Variants in ERC1 observed in about 807,000 individuals in gnomAD.
The protein encoded by ERC1 is ELKS/RAB6-interacting/CAST family member 1.
A neutral mutation model predicts 132.0 loss-of-function variants in ERC1; 56 were observed. That is an observed-to-expected ratio of 0.42 (90% CI 0.34 to 0.53). ERC1 has a LOEUF of 0.53. Ranked by LOEUF, ERC1 falls within the 20% of genes least tolerant of loss-of-function variation. ERC1 has a pLI of 0.03. For missense variants in ERC1, 1,202 were observed against 1,349.9 expected (o/e 0.89, Z 1.72); for synonymous variants, 478 against 476.1 (o/e 1.00, Z -0.05).
At chr12:1,122,529 ATCTC>A (rs1245809122) in intron 7 of ERC1, among the ~76,000 whole-genome samples, 1 of 40,192 alleles carries the variant, frequency 2.5e-5, no homozygotes, top group Non-Finnish European at 5.7e-5. Flanking sequence ...CTCTATCTCT[ATCTC>A]TATCTCTATC....
Position 1,028,458 on chromosome 12 carries a change from C to T in ERC1, c.555C>T (p.Ser185=). 2 of 1,614,092 alleles carry T rather than the reference C, an allele frequency of 1.2e-6. No individual in the cohort carries two copies. The highest frequency in any genetic ancestry group is 1.6e-4 in the Middle Eastern group (1 of 6,062). ...KESKLSSSMN[S]IKTFWSPELK... ...GCAAATTGAGTTCTTCAATGAATAGCATCAAGACCTTCTGGAGCCCAGAGC... is the reference window on the plus strand; with the variant it reads ...GCAAATTGAGTTCTTCAATGAATAGTATCAAGACCTTCTGGAGCCCAGAGC... The change falls in exon 2 of 19, where the codon AGC becomes AGT. Residue 185 remains serine (S), a synonymous_variant. Coordinates refer to ENST00000360905, the MANE Select transcript of ERC1 (RefSeq NM_178040.4).
chr12:1,212,408 T>C (rs566493795), intron 12 of ERC1, among the ~76,000 whole-genome samples: 46 of 152,244 alleles, frequency 3.0e-4, no homozygotes, highest in African/African-American at 1.1e-3. Context: ...TTCCTGATCA[T>C]CACCACCACC....
chr12:1,305,671 G>C (rs1334467602), intron 15 of ERC1, among the ~76,000 whole-genome samples: 2 of 152,098 alleles, frequency 1.3e-5, no homozygotes, highest in African/African-American at 4.8e-5. Flanking sequence ...GTCATGTTGG[G>C]TTCCTTCACA....
chr12:1,247,671 T>C (rs1463528560), intron 13 of ERC1, among the ~76,000 whole-genome samples: 1 of 152,242 alleles, frequency 6.6e-6, no homozygotes, highest in East Asian at 1.9e-4. Context: ...TCTCATATTG[T>C]TGACTTCGTA....
rs1043422223 is a variant in ERC1 at position 1,141,690 on chromosome 12, A to G, written c.1640A>G (p.Asp547Gly). ...MLNKKTKQIQ[D>G]MAEEKGTQAG... Reference sequence around the variant, plus strand: ...AATAAAAAGACAAAACAAATTCAGGATATGGCTGAAGAGAAGGGGACACAA... The same window carrying G: ...AATAAAAAGACAAAACAAATTCAGGGTATGGCTGAAGAGAAGGGGACACAA... Residue 547 changes from aspartate to glycine, a missense_variant, in exon 8 of 19, where the codon GAT becomes GGT. Coordinates refer to ENST00000360905, the MANE Select transcript of ERC1 (RefSeq NM_178040.4). 5.0e-6 allele frequency: 8 copies of G among 1,613,500 alleles called. No homozygotes were observed. Among genetic ancestry groups the G allele is most frequent in the African/African-American group, 2.7e-5 (2 of 74,916 alleles).
intron 6 of ERC1, among the ~76,000 whole-genome samples, chr12:1,112,649 A>G (rs188145248): frequency 6.6e-6 from 1 of 152,294 alleles, no homozygotes; most frequent in African/African-American, 2.4e-5. Flanking sequence ...ACAAGAATAT[A>G]TGCAGTTGTT....
chr12:1,113,223 A>G (rs533841511), intron 6 of ERC1, among the ~76,000 whole-genome samples: 1 of 152,218 alleles, frequency 6.6e-6, no homozygotes, highest in East Asian at 1.9e-4. Context: ...GTGTCTTGGA[A>G]CCAGTCCCCC....
At chr12:1,273,030 C>T (rs2077987428) in intron 14 of ERC1, among the ~76,000 whole-genome samples, 1 of 149,806 alleles carries the variant, frequency 6.7e-6, no homozygotes, top group African/African-American at 2.5e-5. Context: ...AGTTCTAATG[C>T]TGTCTTTCAG....
intron 12 of ERC1, among the ~76,000 whole-genome samples, chr12:1,219,302 T>C (rs1246242100): frequency 6.6e-6 from 1 of 152,198 alleles, no homozygotes; most frequent in African/African-American, 2.4e-5. Context: ...ATATCAAATT[T>C]AGTTTTACTC....
chr12:1,334,120 T>A (rs542213233), intron 15 of ERC1, among the ~76,000 whole-genome samples: 1 of 152,218 alleles, frequency 6.6e-6, no homozygotes, highest in Non-Finnish European at 1.5e-5. Flanking sequence ...TTAAGCTCTT[T>A]ATGGATCCTG....
At chr12:1,033,130 G>T (rs1045109061) in intron 2 of ERC1, among the ~76,000 whole-genome samples, 29 of 151,800 alleles carry the variant, frequency 1.9e-4, no homozygotes, top group Non-Finnish European at 2.1e-4. Context: ...TCCACCTCCC[G>T]GGTTAATGCC....
intron 17 of ERC1, among the ~76,000 whole-genome samples, chr12:1,411,336 A>G (rs187873233): frequency 2.1e-3 from 313 of 152,342 alleles, no homozygotes; most frequent in African/African-American, 7.2e-3. Context: ...CATGCCTATC[A>G]GTGATCTCAC....
chr12:1,405,965 C>A (rs1293977406), intron 16 of ERC1, among the ~76,000 whole-genome samples: 1 of 152,032 alleles, frequency 6.6e-6, no homozygotes, highest in Non-Finnish European at 1.5e-5. Flanking sequence ...CACACATATA[C>A]ACGTATACAT....
intron 4 of ERC1, 38 bp downstream of exon 4, chr12:1,104,862 T>A: frequency 7.1e-7 from 1 of 1,410,286 alleles, no homozygotes; most frequent in Non-Finnish European, 1.0e-6. Flanking sequence ...ATGAATTACC[T>A]TATACTTTTA....
At chr12:1,362,329 C>A (rs1319296937) in intron 15 of ERC1, among the ~76,000 whole-genome samples, 1 of 152,140 alleles carries the variant, frequency 6.6e-6, no homozygotes, top group Non-Finnish European at 1.5e-5. Context: ...TTCTTCTGCC[C>A]TAGACCTTTT....
chr12:1,230,004 C>CTTTTT (rs754220477), intron 12 of ERC1, among the ~76,000 whole-genome samples: 23 of 107,774 alleles, frequency 2.1e-4, no homozygotes, highest in African/African-American at 2.7e-4. Context: ...CTTTTTGACT[C>CTTTTT]TTTTTTTTTT....
At chr12:1,264,873 A>G (rs2077379575) in intron 14 of ERC1, among the ~76,000 whole-genome samples, 1 of 152,176 alleles carries the variant, frequency 6.6e-6, no homozygotes, top group Non-Finnish European at 1.5e-5. Flanking sequence ...ATAGTAAAGA[A>G]GGGTATGTTT....
chr12:1,263,959 G>C (rs955093587), intron 14 of ERC1, among the ~76,000 whole-genome samples: 12 of 151,894 alleles, frequency 7.9e-5, no homozygotes, highest in African/African-American at 2.9e-4. Context: ...CAAAGTGCTG[G>C]GATTACAGGC....
chr12:1,196,653 C>G (rs1956266668), intron 12 of ERC1, among the ~76,000 whole-genome samples: 2 of 151,636 alleles, frequency 1.3e-5, no homozygotes, highest in African/African-American at 4.8e-5. Context: ...ACCACCATGC[C>G]CAGCTAACTG....
Sources: gnomAD v4.1 joint callset for allele counts (sites outside exome capture counted in the v4.1 genomes callset) on GRCh38, gnomAD v4.1.1 for gene constraint, MANE v1.5 for transcripts, NCBI Gene and HGNC (gene_info 2026-07-23, HGNC 2026-07-21) for gene names.